MYOF: variants seen among roughly 807,000 people sequenced by gnomAD.
The protein encoded by MYOF is fer-1-like 3, myoferlin.
MYOF carries 244 observed loss-of-function variants against 284.2 expected under a neutral mutation model. That is an observed-to-expected ratio of 0.86 (90% CI 0.77 to 0.95). The LOEUF (loss-of-function observed/expected upper bound fraction) is 0.95. Among genes scored for constraint, MYOF ranks in the 40% least tolerant of loss-of-function variants. MYOF has a pLI of 0.00. For missense variants in MYOF, 2,496 were observed against 2,560.6 expected (o/e 0.97, Z 0.54); for synonymous variants, 904 against 919.7 (o/e 0.98, Z 0.31).
intron 3 of MYOF, 113 bp from the exon 4 acceptor site, chr10:93,431,629 A>C: frequency 2.6e-6 from 2 of 768,384 alleles, no homozygotes; most frequent in East Asian, 2.9e-5. Context: ...AGTCACTATA[A>C]TGAGATGTGG....
intron 27 of MYOF, 90 bp downstream of exon 27, chr10:93,363,871 T>C: frequency 8.8e-7 from 1 of 1,140,500 alleles, no homozygotes; most frequent in East Asian, 2.4e-5. Flanking sequence ...GGAGGAGAGG[T>C]TAAAGCCCAA....
At chr10:93,368,462 T>C (rs1266583055) in intron 25 of MYOF, among the ~76,000 whole-genome samples, 1 of 152,150 alleles carries the variant, frequency 6.6e-6, no homozygotes, top group African/African-American at 2.4e-5. Flanking sequence ...TTGCAATAGA[T>C]TGTGAGATCC....
At chr10:93,387,548 C>T (rs1846441363) in intron 19 of MYOF, among the ~76,000 whole-genome samples, 1 of 152,202 alleles carries the variant, frequency 6.6e-6, no homozygotes, top group Admixed American at 6.5e-5. Flanking sequence ...CTGTTATGGC[C>T]ACTTCCCCAT....
chr10:93,356,067 A>G (rs1052125042), intron 30 of MYOF, among the ~76,000 whole-genome samples: 1 of 152,200 alleles, frequency 6.6e-6, no homozygotes, highest in Admixed American at 6.5e-5. Context: ...AGGAAGAGAA[A>G]GAGCAGCAGC....
At position 93,404,040 on chromosome 10, in the gene MYOF, G is replaced by C. The variant is rs1847425401; in HGVS notation, c.826C>G (p.Leu276Val). 1 of 1,614,042 alleles carries C rather than the reference G, an allele frequency of 6.2e-7. No individual in the cohort carries two copies. Among genetic ancestry groups the C allele is most frequent in the Non-Finnish European group, 8.5e-7 (1 of 1,179,936 alleles). ...YNSHSLRADC[L>V]MGEFKIDVGF... ...TCACTCACCTTAAATTCCCCCATCAGACAATCTGCCCGCAGAGAGTGAGAA... is the reference window on the plus strand; with the variant it reads ...TCACTCACCTTAAATTCCCCCATCACACAATCTGCCCGCAGAGAGTGAGAA... The change falls in exon 9 of 54, where the codon CTG becomes GTG. Residue 276 changes from leucine to valine, a missense_variant. This residue lies in a region of MYOF where 2,436 missense variants were observed against 2,480.7 expected (regional missense o/e 0.98). Transcript: ENST00000359263.
intron 31 of MYOF, among the ~76,000 whole-genome samples, chr10:93,355,024 A>C (rs1844732553): frequency 6.6e-6 from 1 of 152,148 alleles, no homozygotes; most frequent in Non-Finnish European, 1.5e-5. Context: ...CCATTATTTA[A>C]ATTTTGGTGC....
intron 1 of MYOF, among the ~76,000 whole-genome samples, chr10:93,481,740 C>T (rs1269951016): frequency 1.3e-5 from 2 of 152,158 alleles, no homozygotes; most frequent in South Asian, 2.1e-4. Flanking sequence ...GCTCTTCTTC[C>T]TCCTTTACCC....
chr10:93,470,408 T>G (rs2057118289), intron 1 of MYOF, among the ~76,000 whole-genome samples: 1 of 151,944 alleles, frequency 6.6e-6, no homozygotes, highest in Admixed American at 6.6e-5. Flanking sequence ...TGTTTTTTTG[T>G]TTTTTGTTTT....
intron 4 of MYOF, among the ~76,000 whole-genome samples, chr10:93,430,347 C>T (rs565762013): frequency 1.5e-4 from 23 of 151,890 alleles, no homozygotes; most frequent in African/African-American, 3.6e-4. Context: ...TTTGGTAGGT[C>T]GAAGTGGGAG....
chr10:93,476,114 T>C (rs1447113318), intron 1 of MYOF, among the ~76,000 whole-genome samples: 1 of 152,176 alleles, frequency 6.6e-6, no homozygotes, highest in African/African-American at 2.4e-5. Flanking sequence ...TTTGAGCTGA[T>C]AGGGATCTTC....
At chr10:93,358,073 C>G (rs1463899973) in intron 29 of MYOF, among the ~76,000 whole-genome samples, 3 of 152,086 alleles carry the variant, frequency 2.0e-5, no homozygotes, top group Non-Finnish European at 2.9e-5. Context: ...GGTCTAATAT[C>G]CAGAATCTAC....
intron 4 of MYOF, among the ~76,000 whole-genome samples, chr10:93,430,203 G>T (rs12265436): frequency 0.069 from 10,508 of 151,766 alleles, 1,246 homozygotes; most frequent in African/African-American, 0.24. Flanking sequence ...CAAAGTGCTG[G>T]GATTACAGGC....
intron 32 of MYOF, 130 bp from the exon 33 acceptor site, chr10:93,351,976 G>A (rs1844543643): frequency 2.4e-6 from 2 of 831,694 alleles, no homozygotes; most frequent in Non-Finnish European, 3.6e-6. Context: ...CTGGAGATAG[G>A]GTTTCTAGGG....
In MYOF at chr10:93,401,560, G is replaced by A; in HGVS notation, c.991-16C>T. The A allele has an allele frequency of 6.2e-7, 1 of 1,612,696 alleles. No individual in the cohort carries two copies. The highest frequency in any genetic ancestry group is 8.5e-7 in the Non-Finnish European group (1 of 1,179,538). On this transcript the variant is annotated splice_polypyrimidine_tract_variant and intron_variant, in intron 11 of 53. Coordinates refer to ENST00000359263, the MANE Select transcript of MYOF (RefSeq NM_013451.4). ...GTCTCTCAGGCTATTAGGGGCACAT[G>A]ATTTAAATTATACATACAGAAAAGC...
intron 53 of MYOF, among the ~76,000 whole-genome samples, chr10:93,309,119 C>A (rs911519617): frequency 6.6e-6 from 1 of 152,126 alleles, no homozygotes; most frequent in African/African-American, 2.4e-5. Context: ...CTGGACTATC[C>A]CTTCTCCACT....
chr10:93,333,963 G>C, intron 41 of MYOF, 50 bp from the exon 42 acceptor site: 1 of 1,579,984 alleles, frequency 6.3e-7, no homozygotes, highest in Non-Finnish European at 8.6e-7. Flanking sequence ...GGCCCAGGTA[G>C]AGGGCTCCTG....
intron 1 of MYOF, among the ~76,000 whole-genome samples, chr10:93,460,027 A>T (rs2056837640): frequency 6.6e-6 from 1 of 152,198 alleles, no homozygotes; most frequent in Non-Finnish European, 1.5e-5. Flanking sequence ...AAGAAGGGAA[A>T]GCAAGGAGAA....
intron 42 of MYOF, 45 bp downstream of exon 42, chr10:93,333,711 CTG>C (rs1267087147): frequency 6.3e-7 from 1 of 1,599,492 alleles, no homozygotes; most frequent in African/African-American, 1.3e-5. Context: ...TGGCTGATGA[CTG>C]TAATTATCTT....
chr10:93,337,516 CA>C (rs1843670265), intron 40 of MYOF: 1 of 316,570 alleles, frequency 3.2e-6, no homozygotes, highest in Non-Finnish European at 5.8e-6. Flanking sequence ...TTCCCTGAGT[CA>C]AACTGGATCA....
Sources: allele counts gnomAD v4.1 joint callset (sites outside exome capture counted in the v4.1 genomes callset), GRCh38; gene constraint gnomAD v4.1.1; regional missense constraint gnomAD v4.1.1; transcripts MANE v1.5; gene names NCBI Gene and HGNC (gene_info 2026-07-23, HGNC 2026-07-21).